Variants in CENPC observed in about 807,000 individuals in gnomAD.
The protein encoded by CENPC is centromere protein C.
In CENPC, 63 loss-of-function variants were observed where a neutral mutation model predicts 112.1. The ratio of observed to expected loss-of-function variants is 0.56; its 90% confidence interval spans 0.46 to 0.69. The LOEUF (loss-of-function observed/expected upper bound fraction) is 0.69, where lower values mean the gene tolerates loss of function less well. Ranked by LOEUF, CENPC falls within the 30% of genes least tolerant of loss-of-function variation. CENPC has a pLI of 0.00. For missense variants in CENPC, 1,000 were observed against 1,103.8 expected, an observed-to-expected ratio of 0.91 and a Z score of 1.33; for synonymous variants, 333 against 367.6, an observed-to-expected ratio of 0.91 and a Z score of 1.08.
chr4:67,500,573 TCACAGAATCATGACAAAAG>T (rs1725565440), intron 12 of CENPC, among the ~76,000 whole-genome samples: 1 of 152,048 alleles, frequency 6.6e-6, no homozygotes, highest in Admixed American at 6.6e-5. Context: ...AAGACAGTAT[TCACAGAATCATGACAAAAG>T]CACACAGAGA....
At chr4:67,492,745 T>C (rs547963828) in intron 15 of CENPC, 124 bp downstream of exon 15, 1 of 1,316,828 alleles carries the variant, frequency 7.6e-7, no homozygotes, top group East Asian at 2.9e-5. Context: ...AAAAAATGAA[T>C]TTTACCTATG....
chr4:67,475,080 T>C, intron 17 of CENPC, 102 bp from the exon 18 acceptor site: 3 of 665,984 alleles, frequency 4.5e-6, no homozygotes, highest in Non-Finnish European at 7.8e-6. Context: ...CCCACAAATG[T>C]GCTGGCTTTA....
intron 16 of CENPC, 67 bp from the exon 17 acceptor site, chr4:67,490,188 C>CAT (rs1725202651): frequency 3.9e-6 from 4 of 1,036,230 alleles, no homozygotes; most frequent in Non-Finnish European, 5.4e-6. Flanking sequence ...AACATATACA[C>CAT]ATATATATAA....
In CENPC at chr4:67,470,683, C is replaced by T. The variant is rs1724636471; in HGVS notation, c.*1922G>A. ...TGGCCTCCTTGAGTGAGGTCTCACC[C>T]ACCCCTAGGTTGATTGGTAAAAACT... is the stretch of plus-strand genomic sequence containing the variant. On this transcript the variant is annotated 3_prime_UTR_variant, in exon 19 of 19. Coordinates refer to ENST00000273853, the MANE Select transcript of CENPC (RefSeq NM_001812.4). 6.6e-6 allele frequency: 1 copy of T among 152,082 alleles called. No individual in the cohort carries two copies. Among genetic ancestry groups the T allele is most frequent in the Non-Finnish European group, 1.5e-5 (1 of 68,050 alleles). 9.4% of individuals were successfully genotyped at this position (152,082 alleles called of 1,614,324 possible). A position where few individuals can be genotyped will look rare whatever the true frequency, so the allele number is the denominator to read the frequency against.
chr4:67,498,465 C>T (rs1725500838), intron 12 of CENPC, among the ~76,000 whole-genome samples: 3 of 152,160 alleles, frequency 2.0e-5, no homozygotes, highest in South Asian at 2.1e-4. Context: ...CTTTCAAAAC[C>T]GCAATCAATC....
chr4:67,523,562 G>T (rs1726290933), intron 5 of CENPC, among the ~76,000 whole-genome samples: 1 of 152,184 alleles, frequency 6.6e-6, no homozygotes, highest in African/African-American at 2.4e-5. Flanking sequence ...CGTGGTAATG[G>T]ATTAGAGTCA....
chr4:67,495,725 T>C lies in CENPC; in HGVS notation c.2132-513A>G, dbSNP rs1213441016. On this transcript the variant is annotated intron_variant, in intron 12 of 18. Coordinates refer to ENST00000273853, the MANE Select transcript of CENPC (RefSeq NM_001812.4). ...GAAATAAGCCACTTGTGGATAAAAA[T>C]GTAGGGCCTGATAATGGATAATTAA... Among the ~76,000 whole-genome samples the C allele has an allele frequency of 2.0e-5, 3 of 152,178 alleles. No homozygotes were observed. In the East Asian group the frequency reaches 5.8e-4, roughly 29 times the overall value.
chr4:67,519,084 G>T, intron 6 of CENPC, 133 bp downstream of exon 6: 1 of 662,598 alleles, frequency 1.5e-6, no homozygotes, highest in Non-Finnish European at 2.4e-6. Context: ...TATGCTAAAT[G>T]TATACTTTCT....
chr4:67,512,099 G>T, intron 9 of CENPC: 1 of 224,794 alleles, frequency 4.4e-6, no homozygotes, highest in East Asian at 1.1e-4. Context: ...ATCCCTCACA[G>T]CCAGGACATT....
chr4:67,519,620 C>A, intron 5 of CENPC, 118 bp from the exon 6 acceptor site: 1 of 675,858 alleles, frequency 1.5e-6, no homozygotes, highest in Non-Finnish European at 2.3e-6. Flanking sequence ...AACTCAAAGT[C>A]ATTAAGATTA....
intron 5 of CENPC, among the ~76,000 whole-genome samples, chr4:67,529,179 G>T (rs572704254): frequency 6.6e-6 from 1 of 151,930 alleles, no homozygotes; most frequent in South Asian, 2.1e-4. Flanking sequence ...TGGGTTGTTT[G>T]GTTTTTCTGT....
chr4:67,492,898 T>C lies in CENPC; in HGVS notation c.2390A>G (p.Lys797Arg), dbSNP rs753992625. Residue 797 changes from lysine to arginine, a missense_variant, in exon 15 of 19, where the codon AAA becomes AGA. By Grantham distance (26) the Lys-to-Arg change is conservative (BLOSUM62 2). Transcript: ENST00000273853. ...TTCATCGTTATCAAGACAGATCCTTTTCTTATTAGATTTTTTGTTGACTTT... is the reference window on the plus strand; with the variant it reads ...TTCATCGTTATCAAGACAGATCCTTCTCTTATTAGATTTTTTGTTGACTTT... ...IGKVNKKSNK[K>R]RICLDNDERK... 1.3e-6 allele frequency: 2 copies of C among 1,569,938 alleles called. No homozygotes were observed. The highest frequency in any genetic ancestry group is 2.7e-5 in the African/African-American group (2 of 74,082).
chr4:67,540,921 G>T, intron 3 of CENPC, 59 bp downstream of exon 3: 3 of 1,145,530 alleles, frequency 2.6e-6, no homozygotes, highest in Admixed American at 2.1e-5. Flanking sequence ...TAATTACCAT[G>T]ACAAATTCAT....
Position 67,509,101 on chromosome 4 carries a change from A to G in CENPC, c.1617T>C (p.Pro539=). The change falls in exon 10 of 19, where the codon CCT becomes CCC. Residue 539 remains proline, a synonymous_variant. Transcript: ENST00000273853. Reference sequence around the variant, plus strand: ...TTCTTACTGAAGAATTGCTATAAACAGGACCTGAAGGATTCAATGATAACC... The same window carrying G: ...TTCTTACTGAAGAATTGCTATAAACGGGACCTGAAGGATTCAATGATAACC... ...DWWVVKSEES[P]VYSNSSVRNE... 6.3e-7 allele frequency: 1 copy of G among 1,599,298 alleles called. No individual in the cohort carries two copies. The highest frequency in any genetic ancestry group is 1.1e-5 in the South Asian group (1 of 90,318).
chr4:67,494,976 T>C (rs2632453), intron 13 of CENPC, among the ~76,000 whole-genome samples, 183 bp downstream of exon 13: 138,303 of 152,258 alleles, frequency 0.91, 63,045 homozygotes, highest in South Asian at 0.95. Context: ...AATAGACTAA[T>C]TCAAGTGGCT....
At chr4:67,512,290 A>G (rs1029550856) in intron 9 of CENPC, 112 bp downstream of exon 9, 4 of 743,316 alleles carry the variant, frequency 5.4e-6, no homozygotes, top group Admixed American at 3.3e-5. Context: ...TGATGACCCA[A>G]TTTAACTTGG....
In CENPC at chr4:67,519,383, C is replaced by T; in HGVS notation, c.451G>A (p.Glu151Lys). ...GGTGAGCCAACGGATAAGTAAAATT[C>T]TTCATCAGCTTCACTGTGATGATCA... ...INDHHSEADEEFYLSVGSPSV... is the reference protein window; with the variant it reads ...INDHHSEADEKFYLSVGSPSV... Residue 151 changes from glutamate to lysine, a missense_variant, in exon 6 of 19, where the codon GAA becomes AAA. Coordinates refer to ENST00000273853, the MANE Select transcript of CENPC (RefSeq NM_001812.4). 1.9e-6 allele frequency: 3 copies of T among 1,613,284 alleles called. No individual in the cohort carries two copies. Among genetic ancestry groups the T allele is most frequent in the Middle Eastern group, 1.7e-4 (1 of 6,028 alleles).
chr4:67,526,352 T>C (rs1401294256), intron 5 of CENPC, among the ~76,000 whole-genome samples: 3 of 148,762 alleles, frequency 2.0e-5, no homozygotes, highest in African/African-American at 7.4e-5. Context: ...TTAAAAAAAC[T>C]CAAAAAAAAA....
chr4:67,497,655 G>A (rs1382009755), intron 12 of CENPC, among the ~76,000 whole-genome samples: 5 of 151,958 alleles, frequency 3.3e-5, no homozygotes, highest in Admixed American at 6.5e-5. Flanking sequence ...GCCTCAGCCC[G>A]CCGAGTAGCC....
Sources: allele counts gnomAD v4.1 joint callset (sites outside exome capture counted in the v4.1 genomes callset), GRCh38; gene constraint gnomAD v4.1.1; transcripts MANE v1.5; gene names NCBI Gene and HGNC (gene_info 2026-07-23, HGNC 2026-07-21).